TRPS1: variants seen among roughly 807,000 people sequenced by gnomAD.
TRPS1 encodes zinc finger transcription factor Trps1.
Under a neutral mutation model 101.2 loss-of-function variants are expected in TRPS1, and 6 were observed. The observed-to-expected ratio is 0.06, with a 90% CI of 0.03 to 0.12. The LOEUF is 0.12. TRPS1 is among the 10% of genes least tolerant of loss of function. The pLI is 1.00. For missense variants in TRPS1, 1,363 were observed against 1,567.0 expected (o/e 0.87, Z 2.20); for synonymous variants, 578 against 589.8 (o/e 0.98, Z 0.29).
chr8:115,587,043 C>T lies in TRPS1; in HGVS notation c.2658G>A (p.Ser886=). The T allele has an allele frequency of 1.2e-6, 2 of 1,614,180 alleles. No individual in the cohort carries two copies. The highest frequency in any genetic ancestry group is 1.3e-5 in the African/African-American group (1 of 75,072). ...SGALPQQYPA[S]GENKSKDESQ... ...ATTCATCCTTGGACTTGTTTTCTCC[C>T]GATGCAGGATACTGCTGGGGGAGGG... The change falls in exon 5 of 7, where the codon TCG becomes TCA. Residue 886 remains serine, a synonymous_variant. Transcript: ENST00000395715.
intron 6 of TRPS1, among the ~76,000 whole-genome samples, chr8:115,417,566 A>G (rs1812951870): frequency 6.6e-6 from 1 of 152,232 alleles, no homozygotes; most frequent in Non-Finnish European, 1.5e-5. Context: ...ACTAAAAAAA[A>G]AAATCCTTCA....
In TRPS1 at chr8:115,604,191, T is replaced by G; in HGVS notation, c.1778A>C (p.Glu593Ala). ...GLCSPEKHLG[E>A]ITYPFACRKS... The stretch of plus-strand genomic sequence containing the variant: ...TCTACAAGCAAACGGATAAGTAATT[T>G]CTCCAAGGTGCTTTTCTGGGCTGCA... Residue 593 changes from glutamate (E) to alanine (A), a missense_variant, in exon 4 of 7, where the codon GAA becomes GCA. This residue lies in a region of TRPS1 where 1,020 missense variants were observed against 1,073.0 expected (regional missense o/e 0.95). Transcript: ENST00000395715. The surrounding 1 kb of genome is among the most constrained non-coding windows in gnomAD (Gnocchi z 4.1). 6.2e-7 allele frequency: 1 copy of G among 1,614,048 alleles called. No homozygotes were observed. The highest frequency in any genetic ancestry group is 1.3e-5 in the African/African-American group (1 of 75,032).
intron 2 of TRPS1, among the ~76,000 whole-genome samples, chr8:115,622,339 G>A (rs1337874221): frequency 2.0e-5 from 3 of 151,926 alleles, no homozygotes; most frequent in East Asian, 1.9e-4. Flanking sequence ...GCAGAAAACC[G>A]AAGGGCAATT....
At chr8:115,653,756 T>A (rs1483586413) in intron 1 of TRPS1, among the ~76,000 whole-genome samples, 1 of 152,024 alleles carries the variant, frequency 6.6e-6, no homozygotes, top group Non-Finnish European at 1.5e-5. Context: ...AAGTACAATG[T>A]CTTCTTCACC....
At chr8:115,533,449 T>TTTTTTG (rs1816197177) in intron 5 of TRPS1, among the ~76,000 whole-genome samples, 2 of 123,322 alleles carry the variant, frequency 1.6e-5, no homozygotes, top group African/African-American at 8.3e-5. Flanking sequence ...TTTTTTTTTT[T>TTTTTTG]TTTTTTTTTT....
intron 5 of TRPS1, among the ~76,000 whole-genome samples, chr8:115,518,223 T>C (rs1815769912): frequency 2.0e-5 from 3 of 151,756 alleles, no homozygotes; most frequent in Non-Finnish European, 4.4e-5. Flanking sequence ...GACAATACTA[T>C]AAATTTAAAT....
chr8:115,481,101 T>C (rs1257874692), intron 5 of TRPS1, among the ~76,000 whole-genome samples: 1 of 152,124 alleles, frequency 6.6e-6, no homozygotes, highest in Non-Finnish European at 1.5e-5. Context: ...TACAAGCCCA[T>C]TTTCAAGTAA....
rs1300227426 is a variant in TRPS1, at chr8:115,627,783, T to C, written c.-121-4025A>G. 2.0e-5 allele frequency among the ~76,000 whole-genome samples: 3 copies of C among 151,912 alleles called. No individual in the cohort carries two copies. The East Asian group carries it at 5.8e-4, about 29-fold the overall frequency. On this transcript the variant is annotated intron_variant, in intron 1 of 6. Coordinates refer to ENST00000395715, the MANE Select transcript of TRPS1 (RefSeq NM_014112.5). ...CTCAATTATTAACTCAATCCACCAA[T>C]ATAACTAACAGCTTTCTTTGTTCTC...
chr8:115,559,538 T>G (rs1450709728), intron 5 of TRPS1, among the ~76,000 whole-genome samples: 2 of 152,084 alleles, frequency 1.3e-5, no homozygotes, highest in Non-Finnish European at 2.9e-5. Context: ...CCATGAGAGA[T>G]ATTTCTGTAT....
intron 5 of TRPS1, among the ~76,000 whole-genome samples, chr8:115,541,526 G>A (rs1431250598): frequency 6.6e-6 from 1 of 152,120 alleles, no homozygotes; most frequent in Non-Finnish European, 1.5e-5. Flanking sequence ...ATTTACTTGT[G>A]TTTTAAAATG....
At chr8:115,454,073 G>A (rs1813952762) in intron 5 of TRPS1, among the ~76,000 whole-genome samples, 1 of 151,956 alleles carries the variant, frequency 6.6e-6, no homozygotes, top group South Asian at 2.1e-4. Flanking sequence ...ATGGTGCCCT[G>A]GAAATTATAG....
At chr8:115,549,790 T>A (rs1226443383) in intron 5 of TRPS1, among the ~76,000 whole-genome samples, 1 of 152,142 alleles carries the variant, frequency 6.6e-6, no homozygotes, top group Non-Finnish European at 1.5e-5. Context: ...ATCTATTTGT[T>A]TTGGGGAGTG....
At chr8:115,584,599 C>G (rs1554592394) in intron 5 of TRPS1, among the ~76,000 whole-genome samples, 4 of 148,884 alleles carry the variant, frequency 2.7e-5, no homozygotes, top group Non-Finnish European at 5.9e-5. Context: ...TTTTTTTGGC[C>G]TTTAGTAAAC....
At chr8:115,445,410 G>C (rs1813708014) in intron 5 of TRPS1, among the ~76,000 whole-genome samples, 1 of 152,106 alleles carries the variant, frequency 6.6e-6, no homozygotes, top group South Asian at 2.1e-4. Context: ...TTTCTTTAGT[G>C]AGTTCTGTTG....
intron 5 of TRPS1, among the ~76,000 whole-genome samples, chr8:115,498,730 C>T (rs942407682): frequency 2.0e-5 from 3 of 151,938 alleles, no homozygotes; most frequent in African/African-American, 7.2e-5. Flanking sequence ...GAACTTCATC[C>T]TGCATATTTC....
chr8:115,545,385 G>A (rs565185782), intron 5 of TRPS1, among the ~76,000 whole-genome samples: 20 of 152,226 alleles, frequency 1.3e-4, no homozygotes, highest in Non-Finnish European at 2.8e-4. Context: ...GGTGGAAGAC[G>A]TCAAGTTTAA....
chr8:115,553,401 C>G (rs1416944428), intron 5 of TRPS1, among the ~76,000 whole-genome samples: 1 of 152,018 alleles, frequency 6.6e-6, no homozygotes, highest in East Asian at 1.9e-4. Flanking sequence ...TTAACTCACT[C>G]TATGTATAGG....
At chr8:115,519,781 A>C (rs1815812589) in intron 5 of TRPS1, among the ~76,000 whole-genome samples, 1 of 151,728 alleles carries the variant, frequency 6.6e-6, no homozygotes, top group South Asian at 2.1e-4. Context: ...TATTTACTAA[A>C]AACATAAGAT....
At chr8:115,461,582 T>C (rs1246814418) in intron 5 of TRPS1, among the ~76,000 whole-genome samples, 3 of 152,204 alleles carry the variant, frequency 2.0e-5, no homozygotes, top group African/African-American at 7.2e-5. Context: ...TTTCTTGAAC[T>C]AATGAACACC....
Sources: allele counts gnomAD v4.1 joint callset (sites outside exome capture counted in the v4.1 genomes callset), GRCh38; gene constraint gnomAD v4.1.1; regional missense constraint gnomAD v4.1.1; non-coding constraint Gnocchi (gnomAD v3.1); transcripts MANE v1.5; gene names NCBI Gene and HGNC (gene_info 2026-07-23, HGNC 2026-07-21).